Variants in ATF6 observed in about 807,000 individuals in gnomAD.
ATF6 encodes cyclic AMP-dependent transcription factor ATF-6 alpha.
A neutral mutation model predicts 83.6 loss-of-function variants in ATF6; 53 were observed. The ratio of observed to expected loss-of-function variants is 0.63; its 90% CI spans 0.51 to 0.80. ATF6 has a LOEUF of 0.80. Ranked by LOEUF, ATF6 falls within the 30% of genes least tolerant of loss-of-function variation. ATF6 has a pLI of 0.00. For missense variants in ATF6, 744 were observed against 797.9 expected, an observed-to-expected ratio of 0.93 and a Z score of 0.81; for synonymous variants, 288 against 285.8, an observed-to-expected ratio of 1.01 and a Z score of -0.08.
intron 14 of ATF6, among the ~76,000 whole-genome samples, chr1:161,892,914 AG>A (rs1256196236): frequency 6.6e-6 from 1 of 152,132 alleles, no homozygotes; most frequent in African/African-American, 2.4e-5. Flanking sequence ...CTGGGATTAC[AG>A]GCGTGAGCCA....
intron 1 of ATF6, 97 bp downstream of exon 1, chr1:161,766,539 C>A: frequency 8.9e-7 from 1 of 1,128,702 alleles, no homozygotes; most frequent in South Asian, 1.4e-5. Flanking sequence ...AGGTGTGGAC[C>A]AACCCTGCCT....
chr1:161,888,298 C>T (rs1571215549), intron 14 of ATF6, among the ~76,000 whole-genome samples: 1 of 152,096 alleles, frequency 6.6e-6, no homozygotes, highest in South Asian at 2.1e-4. Context: ...ACCGTATATA[C>T]CATTGAAGAT....
At chr1:161,926,704 A>C (rs1360468571) in intron 15 of ATF6, among the ~76,000 whole-genome samples, 2 of 152,134 alleles carry the variant, frequency 1.3e-5, no homozygotes, top group Non-Finnish European at 2.9e-5. Flanking sequence ...ATTTGGGGGC[A>C]TCCTAGAGGC....
chr1:161,769,514 A>G (rs954899252), intron 1 of ATF6, among the ~76,000 whole-genome samples: 6 of 152,218 alleles, frequency 3.9e-5, no homozygotes, highest in African/African-American at 1.4e-4. Context: ...CAATTTTTCC[A>G]CAGGAGGTGG....
chr1:161,886,274 T>C (rs1483189899), intron 14 of ATF6, among the ~76,000 whole-genome samples: 3 of 152,234 alleles, frequency 2.0e-5, no homozygotes, highest in African/African-American at 7.2e-5. Flanking sequence ...GACAGAAATA[T>C]GATCAGACTT....
chr1:161,943,087 C>G (rs1296963410), intron 15 of ATF6, among the ~76,000 whole-genome samples: 2 of 152,184 alleles, frequency 1.3e-5, no homozygotes, highest in African/African-American at 4.8e-5. Context: ...ATTTCCTGAC[C>G]TCGTGATCCG....
intron 7 of ATF6, among the ~76,000 whole-genome samples, chr1:161,813,129 G>A (rs942458616): frequency 1.1e-4 from 16 of 151,924 alleles, no homozygotes; most frequent in African/African-American, 3.9e-4. Flanking sequence ...CCCAAGTCTC[G>A]AAACTTGCTG....
chr1:161,927,461 A>G (rs1209802567), intron 15 of ATF6, among the ~76,000 whole-genome samples: 1 of 152,106 alleles, frequency 6.6e-6, no homozygotes, highest in Non-Finnish European at 1.5e-5. Context: ...GAGCCACCAC[A>G]CCAGGCCAAG....
intron 10 of ATF6, among the ~76,000 whole-genome samples, chr1:161,847,347 G>A (rs1162271576): frequency 1.3e-5 from 2 of 152,066 alleles, no homozygotes; most frequent in Non-Finnish European, 2.9e-5. Flanking sequence ...TGTAGGTTGA[G>A]GGCAATCTTT....
At chr1:161,863,124 C>G (rs1254671608) in intron 13 of ATF6, 74 bp from the exon 14 acceptor site, 3 of 824,780 alleles carry the variant, frequency 3.6e-6, no homozygotes, top group Non-Finnish European at 3.8e-6. Context: ...CAGACATAGC[C>G]TTAGAATGGG....
chr1:161,929,222 C>G (rs147704973), intron 15 of ATF6, among the ~76,000 whole-genome samples: 2 of 152,184 alleles, frequency 1.3e-5, no homozygotes, highest in Non-Finnish European at 2.9e-5. Flanking sequence ...CTCTGGGTAA[C>G]TTAAGTAGAA....
intron 14 of ATF6, among the ~76,000 whole-genome samples, chr1:161,896,610 G>A (rs1687681972): frequency 6.6e-6 from 1 of 152,168 alleles, no homozygotes; most frequent in Non-Finnish European, 1.5e-5. Context: ...AGCTGGTGCA[G>A]ATGAACAGGA....
At chr1:161,775,198 A>G (rs1271154473) in intron 1 of ATF6, among the ~76,000 whole-genome samples, 1 of 152,240 alleles carries the variant, frequency 6.6e-6, no homozygotes, top group Non-Finnish European at 1.5e-5. Flanking sequence ...CCATCATATC[A>G]TCCTGTGATA....
intron 10 of ATF6, among the ~76,000 whole-genome samples, chr1:161,849,947 T>G (rs1336220299): frequency 6.6e-6 from 1 of 152,144 alleles, no homozygotes; most frequent in Non-Finnish European, 1.5e-5. Context: ...AAATCCTGAT[T>G]CCTGTCTTTC....
At chr1:161,919,019 G>A (rs1688152796) in intron 15 of ATF6, among the ~76,000 whole-genome samples, 1 of 152,210 alleles carries the variant, frequency 6.6e-6, no homozygotes, top group African/African-American at 2.4e-5. Context: ...AATCGCTAAA[G>A]AGAGTAGGAT....
At chr1:161,860,336 G>A in intron 13 of ATF6, 59 bp downstream of exon 13, 1 of 1,316,804 alleles carries the variant, frequency 7.6e-7, no homozygotes, top group Non-Finnish European at 1.0e-6. Flanking sequence ...TTTTAAGAAA[G>A]TTGAAATTCA....
At chr1:161,942,577 A>G (rs1318506900) in intron 15 of ATF6, among the ~76,000 whole-genome samples, 1 of 152,238 alleles carries the variant, frequency 6.6e-6, no homozygotes, top group East Asian at 1.9e-4. Flanking sequence ...CCACACAATA[A>G]CAATTACTCC....
chr1:161,903,506 A>G (rs1242353124), intron 14 of ATF6, among the ~76,000 whole-genome samples: 1 of 152,174 alleles, frequency 6.6e-6, no homozygotes, highest in Admixed American at 6.5e-5. Flanking sequence ...GGTTGAGGGA[A>G]TAAACTTAAA....
intron 9 of ATF6, among the ~76,000 whole-genome samples, chr1:161,844,508 G>A (rs1686436802): frequency 6.6e-6 from 1 of 152,092 alleles, no homozygotes; most frequent in South Asian, 2.1e-4. Flanking sequence ...AATTAGGGTG[G>A]TAGAGATACT....
Sources: gnomAD v4.1 joint callset for allele counts (sites outside exome capture counted in the v4.1 genomes callset) on GRCh38, gnomAD v4.1.1 for gene constraint, MANE v1.5 for transcripts, NCBI Gene and HGNC (gene_info 2026-07-23, HGNC 2026-07-21) for gene names.